SEL1L2: variants seen among roughly 807,000 people sequenced by gnomAD.
SEL1L2 encodes protein sel-1 homolog 2.
A neutral mutation model predicts 98.8 loss-of-function variants in SEL1L2; 89 were observed. The ratio of observed to expected loss-of-function variants is 0.90; its 90% CI spans 0.76 to 1.07. SEL1L2 has a LOEUF of 1.07. SEL1L2 is among the 50% of genes least tolerant of loss of function. The pLI is 0.00. For synonymous variants in SEL1L2, 262 were observed against 278.5 expected, an observed-to-expected ratio of 0.94 and a Z score of 0.59; for missense variants, 788 against 812.0, an observed-to-expected ratio of 0.97 and a Z score of 0.36.
intron 12 of SEL1L2, among the ~76,000 whole-genome samples, chr20:13,872,113 C>T (rs766840935): frequency 2.0e-5 from 3 of 152,198 alleles, no homozygotes; most frequent in African/African-American, 7.2e-5. Flanking sequence ...TAACTCTGCT[C>T]TCTTCTTCCC....
intron 18 of SEL1L2, among the ~76,000 whole-genome samples, 163 bp from the exon 19 acceptor site, chr20:13,850,482 A>G (rs1202209851): frequency 1.3e-5 from 2 of 152,242 alleles, no homozygotes; most frequent in African/African-American, 4.8e-5. Context: ...ACCTTTAAAC[A>G]GAGTTATCTC....
chr20:13,973,929 T>A (rs1036402817), intron 1 of SEL1L2, among the ~76,000 whole-genome samples: 2 of 152,208 alleles, frequency 1.3e-5, no homozygotes, highest in Non-Finnish European at 2.9e-5. Context: ...TCTTTTTCTC[T>A]TTGCTCTGCT....
intron 1 of SEL1L2, among the ~76,000 whole-genome samples, chr20:13,981,694 A>C (rs988240518): frequency 6.6e-6 from 1 of 152,220 alleles, no homozygotes; most frequent in East Asian, 1.9e-4. Context: ...TTTTTTACTG[A>C]TCCCTCACAT....
chr20:13,990,059 T>C (rs931991858), intron 1 of SEL1L2, among the ~76,000 whole-genome samples: 2 of 152,250 alleles, frequency 1.3e-5, no homozygotes, highest in Non-Finnish European at 2.9e-5. Context: ...AAATTGTTAT[T>C]GTGTAAATAT....
intron 14 of SEL1L2, among the ~76,000 whole-genome samples, chr20:13,869,004 T>TG (rs1788605633): frequency 6.6e-6 from 1 of 152,080 alleles, no homozygotes; most frequent in Non-Finnish European, 1.5e-5. Context: ...ATCTTTTTTT[T>TG]TTTTTGTTCC....
intron 1 of SEL1L2, among the ~76,000 whole-genome samples, chr20:13,983,494 A>G (rs1287982708): frequency 6.6e-6 from 1 of 151,828 alleles, no homozygotes; most frequent in African/African-American, 2.4e-5. Flanking sequence ...GTCTTTTAGC[A>G]CTAGCTTTTG....
At chr20:13,945,799 T>C (rs1216088791) in intron 2 of SEL1L2, among the ~76,000 whole-genome samples, 1 of 152,128 alleles carries the variant, frequency 6.6e-6, no homozygotes, top group East Asian at 1.9e-4. Context: ...GGAAATTATG[T>C]AATATGTCAC....
At chr20:13,923,238 T>C (rs1161981275) in intron 3 of SEL1L2, among the ~76,000 whole-genome samples, 1 of 152,260 alleles carries the variant, frequency 6.6e-6, no homozygotes, top group Non-Finnish European at 1.5e-5. Flanking sequence ...CATTATCAAT[T>C]ATAAATATTT....
chr20:13,912,670 A>AAGATGGCTC (rs1208197189), intron 5 of SEL1L2, among the ~76,000 whole-genome samples: 2 of 152,144 alleles, frequency 1.3e-5, no homozygotes, highest in Non-Finnish European at 2.9e-5. Flanking sequence ...GGTCCTTCAG[A>AAGATGGCTC]AGATGGCTCA....
chr20:13,922,260 T>G lies in SEL1L2; in HGVS notation c.284-3137A>C, dbSNP rs117926179. Among the ~76,000 whole-genome samples, 6 of 152,358 alleles carry G rather than the reference T, an allele frequency of 3.9e-5. No homozygotes were observed. The East Asian group carries it at 7.7e-4, about 20-fold the overall frequency. ...CAATTTTTTTTACCATTTCTCACAATATGACTGGAGTTATTTATGTTTGAC... is the reference window on the plus strand; with the variant it reads ...CAATTTTTTTTACCATTTCTCACAAGATGACTGGAGTTATTTATGTTTGAC... On this transcript the variant is annotated intron_variant, in intron 3 of 19. Transcript: ENST00000284951.
upstream of SEL1L2, among the ~76,000 whole-genome samples, chr20:13,991,861 T>A (rs1342597332): frequency 2.0e-5 from 3 of 152,054 alleles, no homozygotes; most frequent in Non-Finnish European, 4.4e-5. Context: ...GACGTGGTGG[T>A]ATGCGCCTGT....
At chr20:13,941,367 G>A (rs2049768401) in intron 2 of SEL1L2, among the ~76,000 whole-genome samples, 1 of 152,122 alleles carries the variant, frequency 6.6e-6, no homozygotes, top group African/African-American at 2.4e-5. Context: ...AATTTGTAAC[G>A]GTGGTCTTTG....
intron 1 of SEL1L2, among the ~76,000 whole-genome samples, chr20:13,989,514 A>G (rs575209668): frequency 6.6e-6 from 1 of 152,334 alleles, no homozygotes; most frequent in East Asian, 1.9e-4. Context: ...GTTGAACAGA[A>G]ATGGCAAAAG....
At chr20:13,859,737 G>A (rs1163229741) in intron 17 of SEL1L2, among the ~76,000 whole-genome samples, 1 of 152,160 alleles carries the variant, frequency 6.6e-6, no homozygotes, top group South Asian at 2.1e-4. Flanking sequence ...TTTCACTCTT[G>A]TCACCCAGGC....
chr20:13,868,761 C>T (rs1292763865), intron 14 of SEL1L2, among the ~76,000 whole-genome samples: 1 of 152,030 alleles, frequency 6.6e-6, no homozygotes, highest in Non-Finnish European at 1.5e-5. Flanking sequence ...GCAGCCGCCA[C>T]CATGCCAGGC....
In SEL1L2 at chr20:13,865,543, C is replaced by A. The variant is rs545930459; in HGVS notation, c.1405-29G>T. ...TACATGAGAGGAGAAATCAAGGAGA[C>A]TAGTTAGCCAGTATGCTTCACCCCA... On this transcript the variant is annotated intron_variant, in intron 15 of 19. Coordinates refer to ENST00000284951, the MANE Select transcript of SEL1L2 (RefSeq NM_025229.2). 17 of 1,593,214 alleles carry A rather than the reference C, an allele frequency of 1.1e-5. No individual in the cohort carries two copies. In the African/African-American group the frequency reaches 2.0e-4, roughly 19 times the overall value.
intron 2 of SEL1L2, among the ~76,000 whole-genome samples, chr20:13,940,709 G>A (rs990296399): frequency 3.9e-5 from 6 of 152,240 alleles, no homozygotes; most frequent in Admixed American, 3.9e-4. Flanking sequence ...CAAAATGGGC[G>A]AATCACCTGA....
chr20:13,960,533 C>T (rs6079236), intron 1 of SEL1L2, among the ~76,000 whole-genome samples: 2,731 of 152,220 alleles, frequency 0.018, 36 homozygotes, highest in Middle Eastern at 0.054. Context: ...TTGAAACTTA[C>T]GACAAGGGTG....
chr20:13,911,434 C>A (rs2048201563), intron 5 of SEL1L2, among the ~76,000 whole-genome samples: 1 of 152,064 alleles, frequency 6.6e-6, no homozygotes, highest in Admixed American at 6.6e-5. Context: ...TTAGTGATAC[C>A]ATTTTTAGTG....
Sources: allele counts gnomAD v4.1 joint callset (sites outside exome capture counted in the v4.1 genomes callset), GRCh38; gene constraint gnomAD v4.1.1; transcripts MANE v1.5; gene names NCBI Gene and HGNC (gene_info 2026-07-23, HGNC 2026-07-21).